The following NALF1 variants were observed in gnomAD, a reference collection of about 807,000 sequenced individuals.
NALF1 encodes the protein NALCN channel auxiliary factor 1.
NALF1 carries 3 observed loss-of-function variants against 48.4 expected under a neutral mutation model. The observed-to-expected ratio is 0.06, with a 90% CI of 0.03 to 0.16. NALF1 has a LOEUF of 0.16. NALF1 is among the 10% of genes least tolerant of loss of function. The pLI, the probability that NALF1 is intolerant of heterozygous loss-of-function variation, is 1.00. For synonymous variants in NALF1, 262 were observed against 245.7 expected (o/e 1.07, Z -0.62); for missense variants, 526 against 571.5 (o/e 0.92, Z 0.81).
chr13:107,374,824 C>T (rs186300813), intron 1 of NALF1, among the ~76,000 whole-genome samples: 9 of 152,226 alleles, frequency 5.9e-5, no homozygotes, highest in African/African-American at 1.9e-4. Context: ...CCATGTTATG[C>T]TTTCCACCAT....
chr13:107,503,632 T>C (rs900464811), intron 1 of NALF1, among the ~76,000 whole-genome samples: 2 of 152,194 alleles, frequency 1.3e-5, no homozygotes, highest in Admixed American at 6.5e-5. Context: ...TACTACCTTG[T>C]AAAGATACCT....
At chr13:107,273,721 G>C (rs1194105023) in intron 1 of NALF1, among the ~76,000 whole-genome samples, 2 of 152,212 alleles carry the variant, frequency 1.3e-5, no homozygotes, top group Non-Finnish European at 2.9e-5. Context: ...TACACATACT[G>C]TTTGAGTATT....
chr13:107,655,978 T>A (rs1880564492), intron 1 of NALF1, among the ~76,000 whole-genome samples: 1 of 151,976 alleles, frequency 6.6e-6, no homozygotes, highest in South Asian at 2.1e-4. Flanking sequence ...TAAAACTGGA[T>A]CCTCATCTCT....
At chr13:107,717,888 T>C (rs1287742419) in intron 1 of NALF1, among the ~76,000 whole-genome samples, 6 of 152,216 alleles carry the variant, frequency 3.9e-5, no homozygotes, top group Non-Finnish European at 8.8e-5. Flanking sequence ...TTCTTTTTTC[T>C]TCGCCAAGTA....
chr13:107,219,410 T>C (rs1346081464), intron 1 of NALF1, among the ~76,000 whole-genome samples: 1 of 152,176 alleles, frequency 6.6e-6, no homozygotes, highest in Non-Finnish European at 1.5e-5. Flanking sequence ...GGGCTCCACA[T>C]CTTGAGTGAG....
At chr13:107,842,872 G>A (rs549986129) in intron 1 of NALF1, among the ~76,000 whole-genome samples, 1 of 152,150 alleles carries the variant, frequency 6.6e-6, no homozygotes, top group South Asian at 2.1e-4. Flanking sequence ...CTGCCGGTGT[G>A]ATATTTCTGT....
intron 1 of NALF1, among the ~76,000 whole-genome samples, chr13:107,488,426 C>T (rs1295119782): frequency 6.6e-6 from 1 of 151,874 alleles, no homozygotes; most frequent in Non-Finnish European, 1.5e-5. Flanking sequence ...TACATCTCCC[C>T]CTTAATACTG....
In NALF1 at chr13:107,628,300, G is replaced by A. The variant is rs138603729; in HGVS notation, c.915+237382C>T. ...CTTCCGACTGCCTCACTTTGCATCCGTACAATGCATTTTAGCTGATTTAAG... is the reference window on the plus strand; with the variant it reads ...CTTCCGACTGCCTCACTTTGCATCCATACAATGCATTTTAGCTGATTTAAG... On this transcript the variant is annotated intron_variant, in intron 1 of 2. Transcript: ENST00000375915. Among the ~76,000 whole-genome samples the A allele has an allele frequency of 5.8e-3, 881 of 152,210 alleles. 2 individuals are homozygous for A. Among genetic ancestry groups the A allele is most frequent in the South Asian group, 0.02 (95 of 4,822 alleles).
At chr13:107,597,686 A>G (rs950901975) in intron 1 of NALF1, among the ~76,000 whole-genome samples, 5 of 152,216 alleles carry the variant, frequency 3.3e-5, no homozygotes, top group Admixed American at 3.3e-4. Flanking sequence ...ATTGTAAACG[A>G]CAGTAGAAAC....
intron 1 of NALF1, among the ~76,000 whole-genome samples, chr13:107,489,903 A>T (rs2139068272): frequency 6.6e-6 from 1 of 152,304 alleles, no homozygotes; most frequent in East Asian, 1.9e-4. Flanking sequence ...AGAAAAAAAC[A>T]ACTCCATAAA....
At chr13:107,307,530 T>C (rs955327329) in intron 1 of NALF1, among the ~76,000 whole-genome samples, 70 of 151,186 alleles carry the variant, frequency 4.6e-4, no homozygotes, top group African/African-American at 1.1e-3. Flanking sequence ...CCCAGGCTGG[T>C]TGGAGTACAG....
chr13:107,652,587 T>C (rs1236488308), intron 1 of NALF1, among the ~76,000 whole-genome samples: 1 of 152,082 alleles, frequency 6.6e-6, no homozygotes, highest in Non-Finnish European at 1.5e-5. Flanking sequence ...CCATCCCACA[T>C]GTAAAATGAA....
intron 1 of NALF1, among the ~76,000 whole-genome samples, chr13:107,218,963 T>C (rs1356373076): frequency 3.3e-5 from 5 of 152,232 alleles, no homozygotes; most frequent in African/African-American, 1.2e-4. Context: ...CAGAAATGAA[T>C]ATTAACGATG....
chr13:107,654,238 A>C (rs1433804861), intron 1 of NALF1, among the ~76,000 whole-genome samples: 1 of 152,152 alleles, frequency 6.6e-6, no homozygotes, highest in Non-Finnish European at 1.5e-5. Flanking sequence ...AAGATTATTC[A>C]AGGCTACTGT....
At chr13:107,505,752 T>C (rs770487740) in intron 1 of NALF1, among the ~76,000 whole-genome samples, 4 of 152,198 alleles carry the variant, frequency 2.6e-5, no homozygotes, top group Admixed American at 6.5e-5. Context: ...GGTCACTGGA[T>C]GCTGGTCTTG....
chr13:107,520,104 T>G (rs1876188201), intron 1 of NALF1, among the ~76,000 whole-genome samples: 1 of 152,192 alleles, frequency 6.6e-6, no homozygotes, highest in African/African-American at 2.4e-5. Flanking sequence ...CATGAGAAAA[T>G]TATAGCACAC....
chr13:107,490,419 G>A (rs1885396677), intron 1 of NALF1, among the ~76,000 whole-genome samples: 1 of 152,146 alleles, frequency 6.6e-6, no homozygotes, highest in African/African-American at 2.4e-5. Context: ...GCAGGGATAT[G>A]GATGGAGCTG....
chr13:107,680,707 A>G (rs1881273905), intron 1 of NALF1, among the ~76,000 whole-genome samples: 1 of 150,688 alleles, frequency 6.6e-6, no homozygotes, highest in African/African-American at 2.4e-5. Flanking sequence ...TCCATGAGAA[A>G]GGGTGGGTGG....
chr13:107,774,678 T>C (rs1275714888), intron 1 of NALF1, among the ~76,000 whole-genome samples: 2 of 152,208 alleles, frequency 1.3e-5, no homozygotes, highest in Non-Finnish European at 2.9e-5. Flanking sequence ...CAATACCTAT[T>C]ATATGCAAAG....
Sources: gnomAD v4.1 joint callset for allele counts (sites outside exome capture counted in the v4.1 genomes callset) on GRCh38, gnomAD v4.1.1 for gene constraint, MANE v1.5 for transcripts, NCBI Gene and HGNC (gene_info 2026-07-23, HGNC 2026-07-21) for gene names.